Variants in MYO10 observed in about 807,000 individuals in gnomAD.
The protein encoded by MYO10 is myosin X.
MYO10 carries 133 observed loss-of-function variants against 257.3 expected under a neutral mutation model. That is an observed-to-expected ratio of 0.52 (90% CI 0.45 to 0.60). The LOEUF is 0.60. Ranked by LOEUF, MYO10 falls within the 20% of genes least tolerant of loss-of-function variation. The pLI, the probability that MYO10 is intolerant of heterozygous loss-of-function variation, is 0.00. For missense variants in MYO10, 2,399 were observed against 2,635.7 expected, an observed-to-expected ratio of 0.91 and a Z score of 1.97; for synonymous variants, 1,104 against 1,028.6, an observed-to-expected ratio of 1.07 and a Z score of -1.40.
chr5:16,663,328 G>GTTTGTTTTTTTTTT lies in MYO10; in HGVS notation c.*3363_*3364insAAAAAAAAAACAAA, dbSNP rs1736042206. ...AAAAAGTAACATTTTACTTCTAGTTGTTTTTTTTTTTTTTTTTTTTTTTTT... is the reference window on the plus strand; with the variant it reads ...AAAAAGTAACATTTTACTTCTAGTTGTTTGTTTTTTTTTTTTTTTTTTTTTTTTTTTTTTTTTTT... On this transcript the variant is annotated 3_prime_UTR_variant, in exon 41 of 41. Coordinates refer to ENST00000513610, the MANE Select transcript of MYO10 (RefSeq NM_012334.3). 3.9e-5 allele frequency: 3 copies of GTTTGTTTTTTTTTT among 76,888 alleles called. No homozygotes were observed. The highest frequency in any genetic ancestry group is 1.5e-4 in the Admixed American group (1 of 6,870). 4.8% of individuals were successfully genotyped at this position (76,888 alleles called of 1,614,324 possible).
At chr5:16,755,576 A>C (rs1217428585) in intron 18 of MYO10, among the ~76,000 whole-genome samples, 1 of 152,178 alleles carries the variant, frequency 6.6e-6, no homozygotes, top group Non-Finnish European at 1.5e-5. Flanking sequence ...CACTGTCATT[A>C]TTCTTCCCAA....
chr5:16,874,519 T>C (rs947279443), intron 2 of MYO10, among the ~76,000 whole-genome samples: 1 of 152,220 alleles, frequency 6.6e-6, no homozygotes, highest in Non-Finnish European at 1.5e-5. Context: ...TCTCTCAAGT[T>C]TGAAGTTCCA....
At chr5:16,731,826 G>A (rs1739593338) in intron 19 of MYO10, among the ~76,000 whole-genome samples, 1 of 152,256 alleles carries the variant, frequency 6.6e-6, no homozygotes, top group Non-Finnish European at 1.5e-5. Context: ...GCCTGGCCTG[G>A]GAGTGTTGTC....
At position 16,901,789 on chromosome 5, in the gene MYO10, C is replaced by T. The variant is rs1036917341; in HGVS notation, c.22-24082G>A. On this transcript the variant is annotated intron_variant, in intron 1 of 40. Coordinates refer to ENST00000513610, the MANE Select transcript of MYO10 (RefSeq NM_012334.3). ...GCTACCCCAGTGCAGAGCGGCCTGT[C>T]GTTTTCTAGATGCAGAGAGGGCAAT... Among the ~76,000 whole-genome samples, 9 of 152,262 alleles carry T rather than the reference C, an allele frequency of 5.9e-5. No homozygotes were observed. The East Asian group carries it at 1.5e-3, about 26-fold the overall frequency.
intron 21 of MYO10, among the ~76,000 whole-genome samples, chr5:16,710,276 T>C (rs1738537910): frequency 1.3e-5 from 2 of 152,208 alleles, no homozygotes. Context: ...AACGAGGTTC[T>C]TGGCAGTTCC....
chr5:16,812,802 T>C (rs1201335745), intron 3 of MYO10, among the ~76,000 whole-genome samples: 1 of 152,184 alleles, frequency 6.6e-6, no homozygotes, highest in East Asian at 1.9e-4. Context: ...ATATCTGACC[T>C]TTGAAAACAC....
chr5:16,679,996 G>T lies in MYO10; in HGVS notation c.4493C>A (p.Thr1498Asn). The change falls in exon 33 of 41, where the codon ACC (threonine) becomes AAC (asparagine). Residue 1498 changes from threonine to asparagine, a missense_variant. By Grantham distance (65) the Thr-to-Asn change is moderately conservative. This residue lies in a region of MYO10 where 1,820 missense variants were observed against 1,939.4 expected (regional missense o/e 0.94). Transcript: ENST00000513610. ...GGTGGGGGTGTCGATCGGGGCCTTG[G>T]TGTCAGTCACGTTTTGAATGGCACT... ...WSSAIQNVTD[T>N]KAPIDTPTQQ... 1 of 1,613,930 alleles carries T rather than the reference G, an allele frequency of 6.2e-7. No homozygotes were observed.
rs964080099 is a variant in MYO10, at chr5:16,764,176, T to A, written c.1326+74A>T. The A allele has an allele frequency of 2.7e-6, 4 of 1,505,472 alleles. No individual in the cohort carries two copies. The Admixed American group carries it at 8.2e-5, about 31-fold the overall frequency. 93.3% of individuals were successfully genotyped at this position (1,505,472 alleles called of 1,614,324 possible). A position where few individuals can be genotyped will look rare whatever the true frequency, so the allele number is the denominator to read the frequency against. On this transcript the variant is annotated intron_variant, in intron 12 of 40. Transcript: ENST00000513610. ...AAAAAAAGAAAAAAAAAGAGTTTGCTCACAGAGATTTGTTCAATAGCAGCT... is the reference window on the plus strand; with the variant it reads ...AAAAAAAGAAAAAAAAAGAGTTTGCACACAGAGATTTGTTCAATAGCAGCT...
In MYO10 at chr5:16,888,583, G is replaced by A. The variant is rs183256362; in HGVS notation, c.22-10876C>T. Among the ~76,000 whole-genome samples, 519 of 150,788 alleles carry A rather than the reference G, an allele frequency of 3.4e-3. 9 individuals are homozygous for A. Among genetic ancestry groups the A allele is most frequent in the South Asian group, 0.011 (51 of 4,750 alleles). Reference sequence around the variant, plus strand: ...GCACTCCAGCCTGAACAACAAGAGCGAGACTCCGTCTCAAAAGGAAAAAAA... The same window carrying A: ...GCACTCCAGCCTGAACAACAAGAGCAAGACTCCGTCTCAAAAGGAAAAAAA... On this transcript the variant is annotated intron_variant, in intron 1 of 40. Coordinates refer to ENST00000513610, the MANE Select transcript of MYO10 (RefSeq NM_012334.3).
intron 32 of MYO10, 129 bp from the exon 33 acceptor site, chr5:16,680,233 A>C: frequency 3.5e-6 from 4 of 1,147,296 alleles, no homozygotes; most frequent in Non-Finnish European, 3.6e-6. Context: ...TAATTCCTAC[A>C]TGTGTCCTGT....
intron 1 of MYO10, among the ~76,000 whole-genome samples, chr5:16,906,208 A>G (rs76505188): frequency 0.049 from 7,473 of 152,232 alleles, 375 homozygotes; most frequent in East Asian, 0.12. Context: ...GGTAGGGTCC[A>G]GAATGGACCC....
At chr5:16,876,015 A>T (rs1334074749) in intron 2 of MYO10, among the ~76,000 whole-genome samples, 1 of 152,192 alleles carries the variant, frequency 6.6e-6, no homozygotes, top group Non-Finnish European at 1.5e-5. Flanking sequence ...CAGGAGGCTG[A>T]GGCAGGAGAC....
intron 8 of MYO10, 51 bp from the exon 9 acceptor site, chr5:16,779,699 T>G: frequency 9.4e-7 from 1 of 1,059,452 alleles, no homozygotes. Flanking sequence ...CAAGATGAAA[T>G]TCAGAGTTTT....
chr5:16,767,167 CTTTTTTTTT>C (rs35242676), intron 10 of MYO10, among the ~76,000 whole-genome samples: 18 of 105,320 alleles, frequency 1.7e-4, no homozygotes, highest in Non-Finnish European at 3.2e-4. Flanking sequence ...ACCCAACTGT[CTTTTTTTTT>C]TTTTTTTTTT....
At position 16,701,570 on chromosome 5, in the gene MYO10, A is replaced by C; in HGVS notation, c.2825T>G (p.Leu942Arg). 1 of 1,613,692 alleles carries C rather than the reference A, an allele frequency of 6.2e-7. No homozygotes were observed. The highest frequency in any genetic ancestry group is 1.1e-5 in the South Asian group (1 of 91,042). Residue 942 changes from leucine (L) to arginine (R), a missense_variant, in exon 25 of 41, where the codon CTC becomes CGC. Transcript: ENST00000513610. This position sits in a 1 kb window ranked among gnomAD's most constrained non-coding sequence, Gnocchi z 8.1. The part of the protein sequence containing the change: ...EEACRAAQEF[L>R]ESLNFDEIDE... Reference sequence around the variant, plus strand: ...GATCTCGTCGAAATTGAGGGACTCGAGGAACTCCTGGGCCGCCCTGCACGC... The same window carrying C: ...GATCTCGTCGAAATTGAGGGACTCGCGGAACTCCTGGGCCGCCCTGCACGC...
intron 3 of MYO10, among the ~76,000 whole-genome samples, chr5:16,813,645 A>G (rs1021303808): frequency 6.6e-6 from 1 of 152,058 alleles, no homozygotes; most frequent in East Asian, 1.9e-4. Flanking sequence ...ATCCACACTC[A>G]TCCCAGAGCC....
intron 21 of MYO10, among the ~76,000 whole-genome samples, chr5:16,708,225 T>C (rs892522428): frequency 6.6e-6 from 1 of 152,234 alleles, no homozygotes; most frequent in East Asian, 1.9e-4. Flanking sequence ...CTTGAATACT[T>C]CCTTGATCAT....
intron 26 of MYO10, among the ~76,000 whole-genome samples, chr5:16,699,028 C>A (rs1737901309): frequency 6.6e-6 from 1 of 151,798 alleles, no homozygotes; most frequent in Admixed American, 6.6e-5. Flanking sequence ...AGCAATGAGA[C>A]TGAGACAGAG....
intron 3 of MYO10, among the ~76,000 whole-genome samples, chr5:16,817,260 G>A (rs919929252): frequency 2.0e-5 from 3 of 152,150 alleles, no homozygotes; most frequent in African/African-American, 7.2e-5. Flanking sequence ...AGCTGGACAA[G>A]AGAAATAAAC....
Sources: gnomAD v4.1 joint callset for allele counts (sites outside exome capture counted in the v4.1 genomes callset) on GRCh38, gnomAD v4.1.1 for gene constraint, gnomAD v4.1.1 regional missense constraint, Gnocchi (gnomAD v3.1) non-coding constraint, MANE v1.5 for transcripts, NCBI Gene and HGNC (gene_info 2026-07-23, HGNC 2026-07-21) for gene names.